CNTN6: variants seen among roughly 807,000 people sequenced by gnomAD.
The protein encoded by CNTN6 is contactin 6.
Under a neutral mutation model 122.8 loss-of-function variants are expected in CNTN6, and 137 were observed. The ratio of observed to expected loss-of-function variants is 1.12; its 90% CI spans 0.97 to 1.29. The LOEUF is 1.29. CNTN6 is among the 50% of genes most tolerant of loss of function. The pLI is 0.00. For missense variants in CNTN6, 1,634 were observed against 1,223.4 expected (o/e 1.34, Z -5.01); for synonymous variants, 570 against 426.0 (o/e 1.34, Z -4.16).
rs149101468 is a variant in CNTN6, at chr3:1,217,047, T to G, written c.56-3640T>G. ...TCATTGTGAGGCACAATGTGACATA[T>G]TTTATAAACAATATATTATTAAATC... is the stretch of plus-strand genomic sequence containing the variant. On this transcript the variant is annotated intron_variant, in intron 2 of 22. Coordinates refer to ENST00000446702, the MANE Select transcript of CNTN6 (RefSeq NM_001289080.2). 8.6e-4 allele frequency among the ~76,000 whole-genome samples: 131 copies of G among 152,324 alleles called. 1 individual carries two copies. Among genetic ancestry groups the G allele is most frequent in the Non-Finnish European group, 1.6e-3 (107 of 68,032 alleles).
At position 1,382,937 on chromosome 3, in the gene CNTN6, C is replaced by T; in HGVS notation, c.2167-5C>T. ...TACTCAGTGATTGATCACATTCTGC[C>T]CAAGTCAATTCCAGAAGAACTGCAG... On this transcript the variant is annotated splice_polypyrimidine_tract_variant and splice_region_variant and intron_variant, in intron 17 of 22. Transcript: ENST00000446702. The T allele has an allele frequency of 6.2e-7, 1 of 1,606,158 alleles. No individual in the cohort carries two copies. The highest frequency in any genetic ancestry group is 8.5e-7 in the Non-Finnish European group (1 of 1,173,090).
chr3:1,242,958 C>A (rs918470182), intron 4 of CNTN6, among the ~76,000 whole-genome samples: 2 of 152,030 alleles, frequency 1.3e-5, no homozygotes, highest in Admixed American at 6.5e-5. Flanking sequence ...GAGTGGGTAG[C>A]CTCCGTATTG....
chr3:1,381,173 T>G (rs1231318167), intron 17 of CNTN6, among the ~76,000 whole-genome samples: 1 of 152,190 alleles, frequency 6.6e-6, no homozygotes, highest in Admixed American at 6.5e-5. Context: ...GCATCGTGAT[T>G]AAATCCGAGA....
At chr3:1,239,450 G>A (rs780854603) in intron 4 of CNTN6, among the ~76,000 whole-genome samples, 46 of 146,196 alleles carry the variant, frequency 3.1e-4, no homozygotes, top group Non-Finnish European at 5.6e-4. Flanking sequence ...CAAACACTTA[G>A]GAATATATCT....
In CNTN6 at chr3:1,126,181, G is replaced by A. The variant is rs1212909205; in HGVS notation, c.-82-21746G>A. Among the ~76,000 whole-genome samples, 10 of 151,734 alleles carry A rather than the reference G, an allele frequency of 6.6e-5. No homozygotes were observed. The East Asian group carries it at 1.9e-3, about 29-fold the overall frequency. Reference sequence around the variant, plus strand: ...CTGGTTTTATTAGCTTATTTTCCTTGAAGGCTTTCTAAGCCTCCATTCCTC... The same window carrying A: ...CTGGTTTTATTAGCTTATTTTCCTTAAAGGCTTTCTAAGCCTCCATTCCTC... On this transcript the variant is annotated intron_variant, in intron 1 of 22. Transcript: ENST00000446702.
chr3:1,130,271 G>C (rs986628282), intron 1 of CNTN6, among the ~76,000 whole-genome samples: 10 of 152,106 alleles, frequency 6.6e-5, no homozygotes, highest in Middle Eastern at 3.4e-3. Context: ...TGCCCTTAGT[G>C]AATCTCCTAC....
intron 1 of CNTN6, among the ~76,000 whole-genome samples, chr3:1,139,179 T>C (rs543403806): frequency 6.6e-6 from 1 of 152,324 alleles, no homozygotes; most frequent in African/African-American, 2.4e-5. Flanking sequence ...AGTTTAGTAA[T>C]GGCAACAGTG....
chr3:1,234,077 C>A (rs966569832), intron 4 of CNTN6, among the ~76,000 whole-genome samples: 6 of 152,142 alleles, frequency 3.9e-5, no homozygotes, highest in African/African-American at 1.4e-4. Flanking sequence ...TACCTGTAAG[C>A]TATTCTTAAC....
chr3:1,218,502 T>C (rs1167170787), intron 2 of CNTN6, among the ~76,000 whole-genome samples: 3 of 151,970 alleles, frequency 2.0e-5, no homozygotes, highest in Non-Finnish European at 4.4e-5. Context: ...CAGCTAGTGG[T>C]GTCAGGGCAG....
intron 2 of CNTN6, among the ~76,000 whole-genome samples, chr3:1,173,810 C>T (rs184447129): frequency 2.6e-4 from 40 of 151,588 alleles, no homozygotes; most frequent in East Asian, 2.5e-3. Flanking sequence ...ATGAGCTAGA[C>T]GAGAATTCTG....
At chr3:1,174,492 G>A (rs181086276) in intron 2 of CNTN6, among the ~76,000 whole-genome samples, 133 of 152,268 alleles carry the variant, frequency 8.7e-4, no homozygotes, top group Non-Finnish European at 1.6e-3. Context: ...TCTCCTGTCA[G>A]ATCTTCTGTC....
rs1709118203 is a variant in CNTN6, at chr3:1,372,238, T to C, written c.1493-61T>C. The C allele has an allele frequency of 3.1e-6, 4 of 1,290,740 alleles. No homozygotes were observed. In the Admixed American group the frequency reaches 7.3e-5, roughly 23 times the overall value. 80.0% of individuals were successfully genotyped at this position (1,290,740 alleles called of 1,614,324 possible). On this transcript the variant is annotated intron_variant, in intron 12 of 22. Coordinates refer to ENST00000446702, the MANE Select transcript of CNTN6 (RefSeq NM_001289080.2). ...GAATGATAAAGTATTCAGAAATATG[T>C]ATTTTATAACCATAGGCTAGCATTT...
At chr3:1,281,994 AC>A (rs1693539965) in intron 5 of CNTN6, among the ~76,000 whole-genome samples, 1 of 151,980 alleles carries the variant, frequency 6.6e-6, no homozygotes, top group African/African-American at 2.4e-5. Flanking sequence ...ACACACACAC[AC>A]ACACACACAC....
rs571513627 is a variant in CNTN6, at chr3:1,109,575, G to C, written c.-83+16455G>C. Among the ~76,000 whole-genome samples, 101 of 151,874 alleles carry C rather than the reference G, an allele frequency of 6.7e-4. 1 individual carries two copies. Among genetic ancestry groups the C allele is most frequent in the Non-Finnish European group, 1.3e-3 (85 of 67,918 alleles). ...TACTTTGGACTTTTTAAAAGATATA[G>C]TTATTTTGAGTTTGCATTCACACAT... is the stretch of plus-strand genomic sequence containing the variant. On this transcript the variant is annotated intron_variant, in intron 1 of 22. Transcript: ENST00000446702.
chr3:1,363,248 C>A (rs2126110788), intron 12 of CNTN6, among the ~76,000 whole-genome samples: 1 of 151,980 alleles, frequency 6.6e-6, no homozygotes, highest in Non-Finnish European at 1.5e-5. Context: ...GATGAGAACA[C>A]CTGAAATCTA....
At chr3:1,237,739 C>T (rs990991673) in intron 4 of CNTN6, among the ~76,000 whole-genome samples, 5 of 152,120 alleles carry the variant, frequency 3.3e-5, no homozygotes, top group African/African-American at 1.2e-4. Context: ...GATTGGGATT[C>T]TATTTTTAGC....
At chr3:1,139,349 G>T (rs1248907198) in intron 1 of CNTN6, among the ~76,000 whole-genome samples, 1 of 152,018 alleles carries the variant, frequency 6.6e-6, no homozygotes, top group Non-Finnish European at 1.5e-5. Flanking sequence ...GTACTAAACC[G>T]CACTGAAAGC....
At chr3:1,252,135 A>C (rs548951715) in intron 4 of CNTN6, among the ~76,000 whole-genome samples, 1 of 152,186 alleles carries the variant, frequency 6.6e-6, no homozygotes, top group South Asian at 2.1e-4. Context: ...TTTTATTTTT[A>C]TCTCACAACC....
At chr3:1,219,262 G>A (rs146369290) in intron 2 of CNTN6, among the ~76,000 whole-genome samples, 1 of 152,296 alleles carries the variant, frequency 6.6e-6, no homozygotes, top group African/African-American at 2.4e-5. Flanking sequence ...TTAACTTCAA[G>A]AGCAATGGGA....
Sources: gnomAD v4.1 joint callset for allele counts (sites outside exome capture counted in the v4.1 genomes callset) on GRCh38, gnomAD v4.1.1 for gene constraint, MANE v1.5 for transcripts, NCBI Gene and HGNC (gene_info 2026-07-23, HGNC 2026-07-21) for gene names.